CACNA1E: variants seen among roughly 807,000 people sequenced by gnomAD.
CACNA1E encodes the protein calcium voltage-gated channel subunit alpha1 E.
A neutral mutation model predicts 259.2 loss-of-function variants in CACNA1E; 40 were observed. The ratio of observed to expected loss-of-function variants is 0.15; its 90% CI spans 0.12 to 0.20. CACNA1E has a LOEUF of 0.20. Among genes scored for constraint, CACNA1E ranks in the 10% least tolerant of loss-of-function variants. CACNA1E has a pLI of 1.00. For missense variants in CACNA1E, 1,874 were observed against 3,040.1 expected (o/e 0.62, Z 9.02); for synonymous variants, 1,104 against 1,138.5 (o/e 0.97, Z 0.61).
Position 181,716,136 on chromosome 1 carries a change from G to A in CACNA1E, c.1315+7G>A. On this transcript the variant is annotated splice_region_variant and intron_variant, in intron 10 of 47. Transcript: ENST00000367573. ...GTTGATATCTCCTCTGTGGGTGAGT[G>A]GATCCAGTTAGATCTTTTACTGCTC... 1 of 1,531,166 alleles carries A rather than the reference G, an allele frequency of 6.5e-7. No homozygotes were observed. The highest frequency in any genetic ancestry group is 8.9e-7 in the Non-Finnish European group (1 of 1,125,706). 94.8% of individuals were successfully genotyped at this position (1,531,166 alleles called of 1,614,324 possible).
chr1:181,743,586 A>G (rs1656780058), intron 25 of CACNA1E, among the ~76,000 whole-genome samples: 1 of 152,176 alleles, frequency 6.6e-6, no homozygotes, highest in Admixed American at 6.5e-5. Flanking sequence ...CTCATGTTTC[A>G]TGTGTTTCAT....
At chr1:181,698,587 G>A (rs1387430171) in intron 7 of CACNA1E, among the ~76,000 whole-genome samples, 2 of 151,954 alleles carry the variant, frequency 1.3e-5, no homozygotes, top group Non-Finnish European at 2.9e-5. Flanking sequence ...GTCTTTCATG[G>A]CATTTTGTCA....
chr1:181,696,156 C>T (rs1651682071), intron 7 of CACNA1E, among the ~76,000 whole-genome samples: 1 of 150,546 alleles, frequency 6.6e-6, no homozygotes, highest in African/African-American at 2.4e-5. Context: ...CAAAAGATGC[C>T]ATTAAGAAAA....
intron 6 of CACNA1E, among the ~76,000 whole-genome samples, chr1:181,597,059 A>G (rs1227231728): frequency 1.3e-5 from 2 of 152,114 alleles, no homozygotes; most frequent in African/African-American, 4.8e-5. Context: ...TTTGAAGGAA[A>G]GAGATATCAT....
chr1:181,716,557 A>G (rs1428842025), intron 10 of CACNA1E, among the ~76,000 whole-genome samples: 1 of 152,190 alleles, frequency 6.6e-6, no homozygotes, highest in African/African-American at 2.4e-5. Context: ...TACTTCCATC[A>G]TGTGAAATTT....
intron 7 of CACNA1E, among the ~76,000 whole-genome samples, chr1:181,654,156 A>T (rs1415684410): frequency 1.8e-5 from 1 of 56,258 alleles, no homozygotes; most frequent in Non-Finnish European, 5.9e-5. Flanking sequence ...CCAATAAATT[A>T]AAAAAAAAAA....
intron 2 of CACNA1E, among the ~76,000 whole-genome samples, chr1:181,457,757 T>C (rs1201084119): frequency 6.6e-6 from 1 of 152,222 alleles, no homozygotes; most frequent in Non-Finnish European, 1.5e-5. Flanking sequence ...TAGATGAAGT[T>C]GAACGAATGT....
intron 6 of CACNA1E, among the ~76,000 whole-genome samples, chr1:181,613,696 A>T (rs1490581624): frequency 6.6e-6 from 1 of 152,170 alleles, no homozygotes; most frequent in Non-Finnish European, 1.5e-5. Flanking sequence ...CATTTGCACA[A>T]AACAGTAGAG....
intron 6 of CACNA1E, among the ~76,000 whole-genome samples, chr1:181,615,221 C>T (rs980712134): frequency 1.3e-5 from 2 of 152,104 alleles, no homozygotes; most frequent in Non-Finnish European, 2.9e-5. Flanking sequence ...GATGGAGTCT[C>T]ACTCTGTCAC....
chr1:181,603,898 G>A (rs914103830), intron 6 of CACNA1E, among the ~76,000 whole-genome samples: 34 of 152,128 alleles, frequency 2.2e-4, no homozygotes, highest in Admixed American at 9.8e-4. Context: ...ATGGGGAGGC[G>A]GCTGTGCAGC....
At chr1:181,675,220 C>T (rs1427283179) in intron 7 of CACNA1E, among the ~76,000 whole-genome samples, 1 of 152,174 alleles carries the variant, frequency 6.6e-6, no homozygotes, top group Non-Finnish European at 1.5e-5. Context: ...ATATCTGCTT[C>T]TCTCTGCAGG....
At chr1:181,742,989 AT>A (rs771892158) in intron 25 of CACNA1E, among the ~76,000 whole-genome samples, 11 of 152,146 alleles carry the variant, frequency 7.2e-5, no homozygotes, top group South Asian at 2.1e-4. Context: ...GATAAAAAAA[AT>A]AAATGGAAAG....
chr1:181,318,393 G>C (rs1354937829), intron 1 of CACNA1E, among the ~76,000 whole-genome samples: 2 of 152,218 alleles, frequency 1.3e-5, no homozygotes, highest in Non-Finnish European at 2.9e-5. Context: ...ACGCCCCCGC[G>C]CTCTTTGGCA....
intron 7 of CACNA1E, among the ~76,000 whole-genome samples, chr1:181,660,320 A>T (rs1647523764): frequency 6.6e-6 from 1 of 152,250 alleles, no homozygotes. Flanking sequence ...ATACCTGGCT[A>T]GACATTTAGA....
chr1:181,428,323 G>A (rs1659456359), intron 2 of CACNA1E, among the ~76,000 whole-genome samples: 1 of 152,180 alleles, frequency 6.6e-6, no homozygotes, highest in African/African-American at 2.4e-5. Flanking sequence ...GTCAGTCCAT[G>A]AGCCCACCCT....
At chr1:181,454,224 G>A (rs866762485) in intron 2 of CACNA1E, among the ~76,000 whole-genome samples, 4 of 152,220 alleles carry the variant, frequency 2.6e-5, no homozygotes, top group African/African-American at 7.2e-5. Flanking sequence ...GGTCAGGAAA[G>A]CCATGCTGTA....
intron 38 of CACNA1E, among the ~76,000 whole-genome samples, chr1:181,779,784 A>G (rs1333440739): frequency 6.6e-6 from 1 of 150,626 alleles, no homozygotes; most frequent in Admixed American, 6.7e-5. Flanking sequence ...CTCTCTTCAC[A>G]TGCACACACT....
chr1:181,341,221 G>T (rs946153121), intron 1 of CACNA1E, among the ~76,000 whole-genome samples: 1 of 152,056 alleles, frequency 6.6e-6, no homozygotes, highest in Non-Finnish European at 1.5e-5. Context: ...GCTGCTCTGG[G>T]TCTGTGCAGG....
intron 34 of CACNA1E, among the ~76,000 whole-genome samples, chr1:181,766,046 C>A (rs1477283729): frequency 1.9e-4 from 29 of 152,160 alleles, no homozygotes; most frequent in Non-Finnish European, 1.5e-5. Context: ...AATGAATGAC[C>A]TTTCTAGGAA....
Sources: gnomAD v4.1 joint callset for allele counts (sites outside exome capture counted in the v4.1 genomes callset) on GRCh38, gnomAD v4.1.1 for gene constraint, MANE v1.5 for transcripts, NCBI Gene and HGNC (gene_info 2026-07-23, HGNC 2026-07-21) for gene names.